Variants in DHTKD1 observed in about 807,000 individuals in gnomAD.
DHTKD1 encodes 2-oxoadipate dehydrogenase complex component E1.
DHTKD1 carries 78 observed loss-of-function variants against 101.8 expected under a neutral mutation model. The observed-to-expected ratio is 0.77, with a 90% CI of 0.64 to 0.93. The LOEUF (loss-of-function observed/expected upper bound fraction) is 0.93, where lower values mean the gene tolerates loss of function less well. Among genes scored for constraint, DHTKD1 ranks in the 40% least tolerant of loss-of-function variants. The pLI is 0.00. For missense variants in DHTKD1, 1,223 were observed against 1,161.7 expected, an observed-to-expected ratio of 1.05 and a Z score of -0.77; for synonymous variants, 462 against 450.3, an observed-to-expected ratio of 1.03 and a Z score of -0.33.
At chr10:12,075,422 A>G (rs1336796292) in intron 1 of DHTKD1, among the ~76,000 whole-genome samples, 4 of 151,702 alleles carry the variant, frequency 2.6e-5, no homozygotes, top group Admixed American at 2.6e-4. Context: ...TTGTATTTTT[A>G]GTAGAGATGG....
At chr10:12,093,059 T>G (rs1340101820) in intron 6 of DHTKD1, among the ~76,000 whole-genome samples, 2 of 151,192 alleles carry the variant, frequency 1.3e-5, no homozygotes, top group African/African-American at 4.9e-5. Flanking sequence ...TTTTTTTTTT[T>G]TGAGATGGAG....
intron 10 of DHTKD1, 87 bp downstream of exon 10, chr10:12,101,268 C>A: frequency 6.9e-7 from 1 of 1,452,412 alleles, no homozygotes; most frequent in South Asian, 1.4e-5. Flanking sequence ...GGAGTGCTGG[C>A]AACTTTGGGT....
intron 1 of DHTKD1, among the ~76,000 whole-genome samples, chr10:12,079,592 C>T (rs566741814): frequency 6.6e-6 from 1 of 151,882 alleles, no homozygotes; most frequent in Middle Eastern, 3.2e-3. Context: ...CACTTGAACC[C>T]GGGAGGCAGA....
Position 12,089,156 on chromosome 10 carries a change from G to A in DHTKD1, c.888G>A (p.Val296=). ...CGCACCTGGAGGCCGTCAACCCCGT[G>A]GCCGTGGGCAAAACTCGCGGCAGGC... ...NPSHLEAVNP[V]AVGKTRGRQQ... The change falls in exon 5 of 17, where the codon GTG becomes GTA. Residue 296 remains valine, a synonymous_variant. Coordinates refer to ENST00000263035, the MANE Select transcript of DHTKD1 (RefSeq NM_018706.7). The A allele has an allele frequency of 3.1e-6, 5 of 1,614,146 alleles. No individual in the cohort carries two copies. Among genetic ancestry groups the A allele is most frequent in the Non-Finnish European group, 4.2e-6 (5 of 1,180,034 alleles).
At chr10:12,097,622 C>T (rs1588612168) in intron 7 of DHTKD1, 62 bp from the exon 8 acceptor site, 1 of 1,443,208 alleles carries the variant, frequency 6.9e-7, no homozygotes, top group East Asian at 2.3e-5. Flanking sequence ...CAGTGACTCT[C>T]CTTGTCTCTA....
chr10:12,113,028 CATT>C lies in DHTKD1; in HGVS notation c.2284_2286del (p.Ile762del), dbSNP rs765370424. ...TGGTCCGGAACTTCAGAAAACCACT[CATT>C]GTTGCTTCCCCTAAGATGTTACTCA... On this transcript the variant is annotated inframe_deletion, in exon 13 of 17. Transcript: ENST00000263035. 6 of 1,613,352 alleles carry C rather than the reference CATT, an allele frequency of 3.7e-6. No individual in the cohort carries two copies. Among genetic ancestry groups the C allele is most frequent in the Non-Finnish European group, 5.1e-6 (6 of 1,179,726 alleles).
intron 13 of DHTKD1, among the ~76,000 whole-genome samples, chr10:12,116,691 TTTTTC>T (rs886511022): frequency 1.3e-5 from 2 of 151,420 alleles, no homozygotes; most frequent in East Asian, 3.9e-4. Context: ...GCGCCCAGTC[TTTTTC>T]TTTTCTTTTT....
At position 12,100,189 on chromosome 10, in the gene DHTKD1, G is replaced by A; in HGVS notation, c.1683G>A (p.Glu561=). ...TCTGAATTTTACAGTCCAGAATGGA[G>A]AAGATGATGGACGGAATCAAGCTAG... ...LLKTHVQSRM[E]KMMDGIKLDW... The change falls in exon 9 of 17, where the codon GAG becomes GAA. Residue 561 remains glutamate (E), a synonymous_variant. Transcript: ENST00000263035. 1 of 1,583,698 alleles carries A rather than the reference G, an allele frequency of 6.3e-7. No homozygotes were observed. The highest frequency in any genetic ancestry group is 1.1e-5 in the South Asian group (1 of 88,014).
At chr10:12,104,281 T>C (rs1802379065) in intron 10 of DHTKD1, among the ~76,000 whole-genome samples, 1 of 151,948 alleles carries the variant, frequency 6.6e-6, no homozygotes, top group African/African-American at 2.4e-5. Context: ...TAGGTTAAAG[T>C]GGTTCTCCCA....
In DHTKD1 at chr10:12,120,191, G is replaced by A. The variant is rs140134885; in HGVS notation, c.2582G>A (p.Trp861Ter). 1.2e-6 allele frequency: 2 copies of A among 1,613,304 alleles called. No homozygotes were observed. The highest frequency in any genetic ancestry group is 2.7e-5 in the African/African-American group (2 of 74,856). The change falls in exon 16 of 17, where the codon TGG becomes TAG. Residue 861 changes from tryptophan (W) to a stop codon, truncating the protein, a stop_gained. Transcript: ENST00000263035. LOFTEE classifies it high-confidence loss of function. Reference sequence around the variant, plus strand: ...ATTTCTTCTCTCATAGATCATATTTGGAGTCAGGAGGAACCTCAGAACATG... The same window carrying A: ...ATTTCTTCTCTCATAGATCATATTTAGAGTCAGGAGGAACCTCAGAACATG... ...SKYKHVKDHI[W>*]SQEEPQNMGP...
chr10:12,084,514 A>C (rs375079225), intron 2 of DHTKD1, 26 bp from the exon 3 acceptor site: 1 of 1,397,696 alleles, frequency 7.2e-7, no homozygotes, highest in Non-Finnish European at 1.0e-6. Context: ...ATTTTTTAAG[A>C]TGACCCCTTT....
intron 7 of DHTKD1, among the ~76,000 whole-genome samples, chr10:12,095,696 C>G (rs560081165): frequency 1.1e-3 from 159 of 150,478 alleles, no homozygotes; most frequent in African/African-American, 3.8e-3. Context: ...GCCTGTAGTC[C>G]CAGCTACTCG....
chr10:12,096,913 G>A (rs1329825659), intron 7 of DHTKD1, among the ~76,000 whole-genome samples: 1 of 152,170 alleles, frequency 6.6e-6, no homozygotes, highest in African/African-American at 2.4e-5. Context: ...GTGTGGGTCA[G>A]TCTTGGAAAT....
At chr10:12,079,185 G>A (rs1832777731) in intron 1 of DHTKD1, among the ~76,000 whole-genome samples, 1 of 152,092 alleles carries the variant, frequency 6.6e-6, no homozygotes, top group Non-Finnish European at 1.5e-5. Context: ...GAACTCCTGG[G>A]TTCAAGCTCC....
At chr10:12,100,910 A>G (rs978160948) in intron 9 of DHTKD1, 132 bp from the exon 10 acceptor site, 5 of 874,574 alleles carry the variant, frequency 5.7e-6, no homozygotes, top group Non-Finnish European at 8.9e-6. Flanking sequence ...ATTGGACAGC[A>G]TATATTAATA....
In DHTKD1 at chr10:12,100,348, G is replaced by T. The variant is rs942177602; in HGVS notation, c.1756+86G>T. The T allele has an allele frequency of 6.1e-5, 37 of 609,212 alleles. No individual in the cohort carries two copies. The African/African-American group carries it at 7.6e-4, about 13-fold the overall frequency. The allele number at this position is 609,212 out of a possible 1,614,324, so 37.7% of individuals were successfully genotyped here. On this transcript the variant is annotated intron_variant, in intron 9 of 16. Coordinates refer to ENST00000263035, the MANE Select transcript of DHTKD1 (RefSeq NM_018706.7). ...GCTGGAATGCAGTGGTGCGATCTCA[G>T]CTCACTGCAACCTCCGCCTCCCAGG...
Position 12,069,176 on chromosome 10 carries a change from A to G in DHTKD1, c.143A>G (p.Glu48Gly). The change falls in exon 1 of 17, where the codon GAG (glutamate) becomes GGG (glycine). Residue 48 changes from glutamate (E) to glycine (G), a missense_variant. Coordinates refer to ENST00000263035, the MANE Select transcript of DHTKD1 (RefSeq NM_018706.7). Reference sequence around the variant, plus strand: ...AGCCGCGAGCCCCAGGGCGCCCTGGAGCGCCCCCCAGGTCGGGGATGGGGC... The same window carrying G: ...AGCCGCGAGCCCCAGGGCGCCCTGGGGCGCCCCCCAGGTCGGGGATGGGGC... ...PESREPQGAL[E>G]RPPVDHGLAR... The G allele has an allele frequency of 6.4e-7, 1 of 1,551,992 alleles. No homozygotes were observed. Among genetic ancestry groups the G allele is most frequent in the South Asian group, 1.2e-5 (1 of 84,800 alleles).
Position 12,073,031 on chromosome 10 carries a change from T to G in DHTKD1, c.154+3844T>G, listed in dbSNP as rs533450712. ...GATTACAGGCATGAGCCACCGTGCCTGACCTGTTTATTTGTTTTTTTGAGA... is the reference window on the plus strand; with the variant it reads ...GATTACAGGCATGAGCCACCGTGCCGGACCTGTTTATTTGTTTTTTTGAGA... On this transcript the variant is annotated intron_variant, in intron 1 of 16. Transcript: ENST00000263035. Among the ~76,000 whole-genome samples the G allele has an allele frequency of 3.5e-5, 5 of 144,650 alleles. No homozygotes were observed. The East Asian group carries it at 8.3e-4, about 24-fold the overall frequency. 94.9% of individuals were successfully genotyped at this position (144,650 alleles called of 152,430 possible).
intron 13 of DHTKD1, chr10:12,116,218 A>C (rs1212391791): frequency 6.6e-6 from 1 of 152,156 alleles, no homozygotes; most frequent in Admixed American, 6.6e-5. Context: ...GGCATGAGCC[A>C]CCACGTCTGG....
Sources: gnomAD v4.1 joint callset for allele counts (sites outside exome capture counted in the v4.1 genomes callset) on GRCh38, gnomAD v4.1.1 for gene constraint, MANE v1.5 for transcripts, NCBI Gene and HGNC (gene_info 2026-07-23, HGNC 2026-07-21) for gene names.